PDE4D: variants seen among roughly 807,000 people sequenced by gnomAD.
The protein encoded by PDE4D is 3',5'-cyclic-AMP phosphodiesterase 4D.
A neutral mutation model predicts 87.4 loss-of-function variants in PDE4D; 24 were observed. The observed-to-expected ratio is 0.27, with a 90% CI of 0.20 to 0.39. PDE4D has a LOEUF of 0.39. Ranked by LOEUF, PDE4D falls within the 10% of genes least tolerant of loss-of-function variation. The pLI, the probability that PDE4D is intolerant of heterozygous loss-of-function variation, is 1.00. For missense variants in PDE4D, 714 were observed against 1,041.0 expected (o/e 0.69, Z 4.32); for synonymous variants, 384 against 383.2 (o/e 1.00, Z -0.02).
intron 5 of PDE4D, among the ~76,000 whole-genome samples, chr5:59,050,745 A>G (rs966035874): frequency 6.6e-6 from 1 of 152,158 alleles, no homozygotes; most frequent in Admixed American, 6.5e-5. Context: ...CCATTGTTCT[A>G]GTTGTATTAT....
At position 59,198,942 on chromosome 5, in the gene PDE4D, AACATCAGC is replaced by A. The variant is rs905834841; in HGVS notation, c.648-5414_648-5407del. 5.3e-5 allele frequency among the ~76,000 whole-genome samples: 8 copies of A among 152,358 alleles called. No individual in the cohort carries two copies. In the East Asian group the frequency reaches 1.5e-3, roughly 29 times the overall value. On this transcript the variant is annotated intron_variant, in intron 2 of 14. Transcript: ENST00000340635. ...TCATCTTAAAAAAATAAGTTCAACC[AACATCAGC>A]ACCTGAAAATATAATTTCCTATAGA...
intron 1 of PDE4D, among the ~76,000 whole-genome samples, chr5:59,270,662 C>T (rs966005179): frequency 7.2e-5 from 11 of 152,166 alleles, no homozygotes; most frequent in Admixed American, 2.0e-4. Flanking sequence ...CAACCAACAA[C>T]GTCAACCCTG....
At chr5:59,599,593 A>T (rs1052433757) in intron 1 of PDE4D, among the ~76,000 whole-genome samples, 2 of 152,160 alleles carry the variant, frequency 1.3e-5, no homozygotes, top group Non-Finnish European at 2.9e-5. Flanking sequence ...ACTGTTAGGC[A>T]ATAGAGACCT....
intron 3 of PDE4D, among the ~76,000 whole-genome samples, chr5:59,189,254 T>TG (rs752981536): frequency 0.15 from 8,817 of 57,546 alleles, 626 homozygotes; most frequent in Non-Finnish European, 0.2. Flanking sequence ...GTTTTTTTTG[T>TG]TTTTTTTTTT....
At chr5:59,256,933 C>T (rs1761088269) in intron 1 of PDE4D, among the ~76,000 whole-genome samples, 1 of 151,950 alleles carries the variant, frequency 6.6e-6, no homozygotes, top group Non-Finnish European at 1.5e-5. Flanking sequence ...AGTAGCTTCT[C>T]TTTGTATCAA....
intron 1 of PDE4D, among the ~76,000 whole-genome samples, chr5:59,831,814 T>C (rs1315531850): frequency 2.6e-5 from 4 of 152,066 alleles, no homozygotes; most frequent in Non-Finnish European, 5.9e-5. Context: ...AAGAGAAATA[T>C]GATCCCAGTA....
At chr5:59,070,683 T>C (rs1334383959) in intron 5 of PDE4D, among the ~76,000 whole-genome samples, 1 of 152,210 alleles carries the variant, frequency 6.6e-6, no homozygotes, top group Non-Finnish European at 1.5e-5. Flanking sequence ...TTCTTTGTTT[T>C]CCTTCTTGAA....
intron 1 of PDE4D, among the ~76,000 whole-genome samples, chr5:60,336,990 T>G (rs961950117): frequency 3.3e-5 from 5 of 151,944 alleles, no homozygotes; most frequent in Admixed American, 2.0e-4. Context: ...AAAACATTAT[T>G]CTGGAAAGTT....
intron 6 of PDE4D, among the ~76,000 whole-genome samples, chr5:58,995,429 C>CTT (rs1748997429): frequency 6.6e-6 from 1 of 152,120 alleles, no homozygotes; most frequent in Non-Finnish European, 1.5e-5. Context: ...AAAAAATAAA[C>CTT]TTTGGGCCTT....
At chr5:59,598,380 T>C (rs1282917981) in intron 1 of PDE4D, among the ~76,000 whole-genome samples, 1 of 152,144 alleles carries the variant, frequency 6.6e-6, no homozygotes, top group African/African-American at 2.4e-5. Context: ...GTGGGCAACA[T>C]AGCACATGAC....
chr5:59,613,086 G>A (rs1383283777), intron 1 of PDE4D, among the ~76,000 whole-genome samples: 2 of 152,194 alleles, frequency 1.3e-5, no homozygotes, highest in African/African-American at 4.8e-5. Context: ...CACTGGTCAG[G>A]AGGTGGTGCA....
chr5:60,182,991 G>C (rs1281401408), intron 2 of PDE4D, among the ~76,000 whole-genome samples: 1 of 152,136 alleles, frequency 6.6e-6, no homozygotes, highest in African/African-American at 2.4e-5. Context: ...TTTGGAGGTG[G>C]GGTCTTTGGG....
chr5:60,211,668 T>C (rs1341535078), intron 1 of PDE4D, among the ~76,000 whole-genome samples: 1 of 151,788 alleles, frequency 6.6e-6, no homozygotes, highest in Non-Finnish European at 1.5e-5. Context: ...ATGCATCATA[T>C]GCATATTAAA....
At chr5:59,282,419 T>C (rs1765994205) in intron 1 of PDE4D, among the ~76,000 whole-genome samples, 1 of 151,864 alleles carries the variant, frequency 6.6e-6, no homozygotes, top group Admixed American at 6.6e-5. Flanking sequence ...GACGGGTGGA[T>C]CACCTGAGGT....
rs5868179 is a variant in PDE4D at position 59,380,802 on chromosome 5, A to ATTTT, written c.456-164838_456-164835dup. Among the ~76,000 whole-genome samples the ATTTT allele has an allele frequency of 1.5e-4, 23 of 151,360 alleles. No individual in the cohort carries two copies. In the South Asian group the frequency reaches 3.8e-3, roughly 25 times the overall value. On this transcript the variant is annotated intron_variant, in intron 1 of 14. Coordinates refer to ENST00000340635, the MANE Select transcript of PDE4D (RefSeq NM_001104631.2). ...TTCCAAAATCTCTAAAGTTTACTTA[A>ATTTT]TTTTTTTTTTATTTCAAAGGGAGCT...
At chr5:59,416,563 G>C (rs1472318518) in intron 1 of PDE4D, among the ~76,000 whole-genome samples, 1 of 152,168 alleles carries the variant, frequency 6.6e-6, no homozygotes, top group African/African-American at 2.4e-5. Context: ...CTAAGCACTT[G>C]TAACTCTCTA....
intron 1 of PDE4D, among the ~76,000 whole-genome samples, chr5:60,392,887 G>T (rs570407158): frequency 6.6e-6 from 1 of 152,312 alleles, no homozygotes; most frequent in South Asian, 2.1e-4. Context: ...CCCTAAGAAG[G>T]ATACCACAGG....
At chr5:59,771,264 G>T (rs1763408177) in intron 1 of PDE4D, among the ~76,000 whole-genome samples, 1 of 151,546 alleles carries the variant, frequency 6.6e-6, no homozygotes, top group African/African-American at 2.4e-5. Context: ...ATGAAAAAGT[G>T]CAGCCCAAGT....
At chr5:60,419,493 A>G (rs1286134204) in intron 1 of PDE4D, among the ~76,000 whole-genome samples, 1 of 151,664 alleles carries the variant, frequency 6.6e-6, no homozygotes, top group South Asian at 2.1e-4. Context: ...GGTAATATCT[A>G]TCACCTCTGA....
Sources: allele counts gnomAD v4.1 joint callset (sites outside exome capture counted in the v4.1 genomes callset), GRCh38; gene constraint gnomAD v4.1.1; transcripts MANE v1.5; gene names NCBI Gene and HGNC (gene_info 2026-07-23, HGNC 2026-07-21).